The following MSRA variants were observed in gnomAD, a reference collection of about 807,000 sequenced individuals.
The protein encoded by MSRA is mitochondrial peptide methionine sulfoxide reductase.
A neutral mutation model predicts 31.3 loss-of-function variants in MSRA; 54 were observed. The ratio of observed to expected loss-of-function variants is 1.73; its 90% confidence interval spans 1.39 to 2.17. MSRA has a LOEUF of 2.17. Among genes scored for constraint, MSRA ranks in the 30% most tolerant of loss-of-function variants. MSRA has a pLI of 0.00. For synonymous variants in MSRA, 169 were observed against 116.5 expected (o/e 1.45, Z -2.90); for missense variants, 507 against 300.9 (o/e 1.69, Z -5.07).
At chr8:10,166,985 G>T (rs116564614) in intron 1 of MSRA, among the ~76,000 whole-genome samples, 37 of 152,278 alleles carry the variant, frequency 2.4e-4, no homozygotes, top group African/African-American at 8.9e-4. Flanking sequence ...CCTATGAGAA[G>T]AGGATGAGGT....
At chr8:10,060,638 G>T (rs569706540) in intron 1 of MSRA, among the ~76,000 whole-genome samples, 3 of 143,176 alleles carry the variant, frequency 2.1e-5, no homozygotes, top group East Asian at 4.1e-4. Flanking sequence ...CTTACTTGAA[G>T]TTTTTTTTTT....
At chr8:10,187,942 T>C (rs1202522141) in intron 1 of MSRA, among the ~76,000 whole-genome samples, 1 of 152,208 alleles carries the variant, frequency 6.6e-6, no homozygotes, top group East Asian at 1.9e-4. Flanking sequence ...CTTTGAACAT[T>C]ATGCTGTGGG....
chr8:10,398,340 G>C (rs1807231780), intron 5 of MSRA, among the ~76,000 whole-genome samples: 1 of 152,152 alleles, frequency 6.6e-6, no homozygotes, highest in Non-Finnish European at 1.5e-5. Context: ...CCACCCACTG[G>C]TCCTAGCTCA....
At chr8:10,093,480 C>G (rs928511441) in intron 1 of MSRA, among the ~76,000 whole-genome samples, 7 of 152,210 alleles carry the variant, frequency 4.6e-5, no homozygotes, top group Middle Eastern at 3.4e-3. Context: ...CTTCTTTACT[C>G]TTATTGTCAC....
chr8:10,234,939 A>T (rs972668768), intron 2 of MSRA, among the ~76,000 whole-genome samples: 2 of 152,106 alleles, frequency 1.3e-5, no homozygotes, highest in African/African-American at 4.8e-5. Flanking sequence ...AACTGACAGA[A>T]CTAAAAGAGA....
chr8:10,382,733 G>T (rs971545452), intron 5 of MSRA, among the ~76,000 whole-genome samples: 1 of 152,220 alleles, frequency 6.6e-6, no homozygotes, highest in African/African-American at 2.4e-5. Flanking sequence ...TCAGGGGCAA[G>T]AATGGCATTT....
intron 1 of MSRA, among the ~76,000 whole-genome samples, chr8:10,185,374 C>G (rs998052269): frequency 2.6e-5 from 4 of 152,118 alleles, no homozygotes; most frequent in Admixed American, 2.6e-4. Flanking sequence ...AAGATTTTAC[C>G]TAAGCATTGT....
At chr8:10,408,570 T>TA (rs972819274) in intron 5 of MSRA, among the ~76,000 whole-genome samples, 15 of 152,210 alleles carry the variant, frequency 9.9e-5, no homozygotes, top group African/African-American at 2.9e-4. Flanking sequence ...GAGTAGGTAA[T>TA]AAAAAAATCC....
intron 5 of MSRA, among the ~76,000 whole-genome samples, chr8:10,324,911 C>T (rs189431776): frequency 1.3e-4 from 20 of 152,314 alleles, no homozygotes; most frequent in Middle Eastern, 3.4e-3. Context: ...CTGAGCTGCA[C>T]ATGTGTGAGC....
Position 10,270,560 on chromosome 8 carries a change from G to A in MSRA, c.331+25337G>A, listed in dbSNP as rs1404371192. Among the ~76,000 whole-genome samples, 3 of 152,218 alleles carry A rather than the reference G, an allele frequency of 2.0e-5. No homozygotes were observed. The East Asian group carries it at 5.8e-4, about 29-fold the overall frequency. On this transcript the variant is annotated intron_variant, in intron 3 of 5. Coordinates refer to ENST00000317173, the MANE Select transcript of MSRA (RefSeq NM_012331.5). Reference sequence around the variant, plus strand: ...CCCAGGATGCTCATAAGGACTGCTAGAGGAGGGAGGTCACCAGGAGCCAGC... The same window carrying A: ...CCCAGGATGCTCATAAGGACTGCTAAAGGAGGGAGGTCACCAGGAGCCAGC...
chr8:10,275,656 C>A (rs75832929), intron 3 of MSRA, among the ~76,000 whole-genome samples: 4,811 of 152,256 alleles, frequency 0.032, 262 homozygotes, highest in African/African-American at 0.11. Flanking sequence ...CCACTATGCA[C>A]TGGCATCTCC....
chr8:10,268,273 C>G (rs1049134842), intron 3 of MSRA, among the ~76,000 whole-genome samples: 1 of 152,180 alleles, frequency 6.6e-6, no homozygotes, highest in African/African-American at 2.4e-5. Context: ...GGGAACGCTT[C>G]TTTCTCATCT....
chr8:10,278,290 A>T (rs994753694), intron 3 of MSRA, among the ~76,000 whole-genome samples: 1 of 152,158 alleles, frequency 6.6e-6, no homozygotes, highest in African/African-American at 2.4e-5. Flanking sequence ...ACAACACAAG[A>T]GGCAGCATAC....
At chr8:10,394,263 G>A (rs1178104985) in intron 5 of MSRA, among the ~76,000 whole-genome samples, 1 of 152,160 alleles carries the variant, frequency 6.6e-6, no homozygotes, top group Non-Finnish European at 1.5e-5. Context: ...TTGGCAGCCA[G>A]AACCCTGTAG....
chr8:10,295,063 T>C (rs1408802511), intron 3 of MSRA, among the ~76,000 whole-genome samples: 2 of 152,182 alleles, frequency 1.3e-5, no homozygotes, highest in Non-Finnish European at 2.9e-5. Context: ...CAGGCACTCC[T>C]GGGCGGCAGG....
chr8:10,426,350 C>T (rs547617236), intron 5 of MSRA, among the ~76,000 whole-genome samples: 16 of 152,244 alleles, frequency 1.1e-4, no homozygotes, highest in Non-Finnish European at 1.9e-4. Flanking sequence ...GGGCTGTTCG[C>T]GTGAAGGTCA....
chr8:10,152,222 T>C (rs1051841245), intron 1 of MSRA, among the ~76,000 whole-genome samples: 4 of 152,226 alleles, frequency 2.6e-5, no homozygotes, highest in African/African-American at 9.6e-5. Flanking sequence ...TGTGCAAATA[T>C]ATGTATATGT....
At chr8:10,272,182 C>G (rs538993789) in intron 3 of MSRA, among the ~76,000 whole-genome samples, 15 of 152,212 alleles carry the variant, frequency 9.9e-5, no homozygotes, top group Admixed American at 4.6e-4. Context: ...TTATATTAGT[C>G]AATATTCTCC....
intron 4 of MSRA, among the ~76,000 whole-genome samples, chr8:10,318,782 G>T (rs114424144): frequency 7.6e-4 from 115 of 152,292 alleles, no homozygotes; most frequent in African/African-American, 2.6e-3. Context: ...TCCCAGTGAA[G>T]CATCTTTGTC....
Sources: allele counts gnomAD v4.1 joint callset (sites outside exome capture counted in the v4.1 genomes callset), GRCh38; gene constraint gnomAD v4.1.1; transcripts MANE v1.5; gene names NCBI Gene and HGNC (gene_info 2026-07-23, HGNC 2026-07-21).